Variants in MFSD6L observed in about 807,000 individuals in gnomAD.
MFSD6L encodes the protein major facilitator superfamily domain containing 6 like.
In MFSD6L, 9 loss-of-function variants were observed where a neutral mutation model predicts 6.4. The observed-to-expected ratio is 1.42, with a 90% CI of 0.85 to 2.47. The LOEUF (loss-of-function observed/expected upper bound fraction) is 2.47, where lower values mean the gene tolerates loss of function less well. MFSD6L is among the 30% of genes most tolerant of loss of function. MFSD6L has a pLI of 0.00. For synonymous variants in MFSD6L, 336 were observed against 322.4 expected (o/e 1.04, Z -0.45); for missense variants, 747 against 730.6 (o/e 1.02, Z -0.26).
rs200903877 is a variant in MFSD6L, at chr17:8,798,864, C to T, written c.257G>A (p.Gly86Asp). 1.1e-4 allele frequency: 172 copies of T among 1,613,912 alleles called. No individual in the cohort carries two copies. The highest frequency in any genetic ancestry group is 1.4e-4 in the Non-Finnish European group (166 of 1,180,020). ...RRALLIGSLL[G>D]SVGASLLMVL... ...CATCAGCAGGCTGGCCCCCACCGAG[C>T]CGAGCAGGGAGCCGATCAGAAGCGC... Residue 86 changes from glycine (G) to aspartate (D), a missense_variant, in exon 1 of 1, where the codon GGC (glycine) becomes GAC (aspartate). Gly to Asp is a moderately conservative substitution (Grantham distance 94). Coordinates refer to ENST00000329805, the MANE Select transcript of MFSD6L (RefSeq NM_152599.4).
Position 8,798,066 on chromosome 17 carries a change from C to T in MFSD6L, c.1055G>A (p.Ser352Asn). The change falls in exon 1 of 1, where the codon AGC (serine) becomes AAC (asparagine). Residue 352 changes from serine (S) to asparagine (N), a missense_variant. Physicochemically the swap from Ser to Asn is conservative, Grantham distance 46. Coordinates refer to ENST00000329805, the MANE Select transcript of MFSD6L (RefSeq NM_152599.4). Reference protein sequence around the residue: ...PIPICQQWEPSYKRVKALSIV... With the variant: ...PIPICQQWEPNYKRVKALSIV... ...GGACAGTGCTTTGACCCTTTTGTAG[C>T]TGGGCTCCCACTGCTGACAGATGGG... 6.2e-7 allele frequency: 1 copy of T among 1,614,136 alleles called. No homozygotes were observed. The highest frequency in any genetic ancestry group is 8.5e-7 in the Non-Finnish European group (1 of 1,180,012).
rs979728861 is a variant in MFSD6L at position 8,797,327 on chromosome 17, C to G, written c.*33G>C. 2 of 1,525,876 alleles carry G rather than the reference C, an allele frequency of 1.3e-6. No individual in the cohort carries two copies. Among genetic ancestry groups the G allele is most frequent in the African/African-American group, 2.8e-5 (2 of 72,010 alleles). 94.5% of individuals were successfully genotyped at this position (1,525,876 alleles called of 1,614,324 possible). A position where few individuals can be genotyped will look rare whatever the true frequency, so the allele number is the denominator to read the frequency against. ...TTTTGTTCAGTCCATTCGTTCCTTG[C>G]TGGATCAGCACACTCTGGATTTCTC... On this transcript the variant is annotated 3_prime_UTR_variant, in exon 1 of 1. Transcript: ENST00000329805.
rs369757220 is a variant in MFSD6L, at chr17:8,797,900, G to C, written c.1221C>G (p.Val407=). The part of the protein sequence containing the change: ...GSGELVMGFS[V]ALSLLGEILL... ...GAATTTCCCCCAGCAAGCTGAGGGC[G>C]ACCGAGAAACCCATGACCAGCTCGC... Residue 407 remains valine, a synonymous_variant, in exon 1 of 1, where the codon GTC becomes GTG. Coordinates refer to ENST00000329805, the MANE Select transcript of MFSD6L (RefSeq NM_152599.4). 5.0e-6 allele frequency: 8 copies of C among 1,613,968 alleles called. No homozygotes were observed. The South Asian group carries it at 8.8e-5, about 18-fold the overall frequency.
chr17:8,797,306 G>T lies in MFSD6L; in HGVS notation c.*54C>A, dbSNP rs2087006612. 3.3e-6 allele frequency: 5 copies of T among 1,503,182 alleles called. No homozygotes were observed. The highest frequency in any genetic ancestry group is 3.6e-6 in the Non-Finnish European group (4 of 1,122,466). 93.1% of individuals were successfully genotyped at this position (1,503,182 alleles called of 1,614,324 possible). On this transcript the variant is annotated 3_prime_UTR_variant, in exon 1 of 1. Transcript: ENST00000329805. ...TTCTGTCCTCAGCAGGCTGAGTTTT[G>T]TTCAGTCCATTCGTTCCTTGCTGGA...
In MFSD6L at chr17:8,797,620, C is replaced by G; in HGVS notation, c.1501G>C (p.Gly501Arg). 6.2e-7 allele frequency: 1 copy of G among 1,613,414 alleles called. No homozygotes were observed. Among genetic ancestry groups the G allele is most frequent in the Non-Finnish European group, 8.5e-7 (1 of 1,180,020 alleles). ...AAGCTGCCCAGGCTACAGCCACTCC[C>G]GTAAAAGTGGCCTCGGAACAAGGCA... Reference protein sequence around the residue: ...LSALFRGHFYGSGCSLGSFVG... With the variant: ...LSALFRGHFYRSGCSLGSFVG... The change falls in exon 1 of 1, where the codon GGG (glycine) becomes CGG (arginine). Residue 501 changes from glycine to arginine, a missense_variant. Physicochemically the swap from Gly to Arg is moderately radical, Grantham distance 125. Transcript: ENST00000329805.
Position 8,799,201 on chromosome 17 carries a change from G to A in MFSD6L, c.-81C>T, listed in dbSNP as rs1597366143. On this transcript the variant is annotated 5_prime_UTR_variant, in exon 1 of 1. Transcript: ENST00000329805. This position sits in a 1 kb window ranked among gnomAD's most constrained non-coding sequence, Gnocchi z 5.3. ...GGGCGCGGCCCCAGGTACCCGGGAGGGAGGCTTGGGGGACCGGGGCTCGGA... is the reference window on the plus strand; with the variant it reads ...GGGCGCGGCCCCAGGTACCCGGGAGAGAGGCTTGGGGGACCGGGGCTCGGA... 4 of 1,297,580 alleles carry A rather than the reference G, an allele frequency of 3.1e-6. No homozygotes were observed. The highest frequency in any genetic ancestry group is 4.1e-6 in the Non-Finnish European group (4 of 971,630). The allele number at this position is 1,297,580 out of a possible 1,614,324, so 80.4% of individuals were successfully genotyped here.
rs1173356523 is a variant in MFSD6L at position 8,798,650 on chromosome 17, A to C, written c.471T>G (p.Pro157=). 2.5e-6 allele frequency: 4 copies of C among 1,614,162 alleles called. No individual in the cohort carries two copies. The highest frequency in any genetic ancestry group is 4.5e-5 in the East Asian group (2 of 44,860). ...GGAAAGTTTCTCGGTCACTTTCACC[A>C]GGTGGGTTTCTGAAGCCAGGCATTT... ...EVEMPGFRNP[P]GESDRETFRD... The change falls in exon 1 of 1, where the codon CCT becomes CCG. Residue 157 remains proline, a synonymous_variant. Transcript: ENST00000329805.
In MFSD6L at chr17:8,798,653, TG is replaced by T. The variant is rs1466094007; in HGVS notation, c.467del (p.Pro156HisfsTer17). ...AAGTTTCTCGGTCACTTTCACCAGG[TG>T]GGTTTCTGAAGCCAGGCATTTCCAC... is the stretch of plus-strand genomic sequence containing the variant. ...AEVEMPGFRN[P>X]PGESDRETFR... On this transcript the variant is annotated frameshift_variant, in exon 1 of 1. Transcript: ENST00000329805. LOFTEE classifies it low-confidence loss of function (END_TRUNC). 1 of 1,613,990 alleles carries T rather than the reference TG, an allele frequency of 6.2e-7. No homozygotes were observed. Among genetic ancestry groups the T allele is most frequent in the South Asian group, 1.1e-5 (1 of 91,066 alleles).
chr17:8,797,871 A>G lies in MFSD6L; in HGVS notation c.1250T>C (p.Leu417Pro), dbSNP rs2087012894. 3 of 1,613,892 alleles carry G rather than the reference A, an allele frequency of 1.9e-6. No individual in the cohort carries two copies. Among genetic ancestry groups the G allele is most frequent in the Non-Finnish European group, 2.5e-6 (3 of 1,180,014 alleles). The change falls in exon 1 of 1, where the codon CTT becomes CCT. Residue 417 changes from leucine (L) to proline (P), a missense_variant. Coordinates refer to ENST00000329805, the MANE Select transcript of MFSD6L (RefSeq NM_152599.4). Reference sequence around the variant, plus strand: ...AAGCAATGTAGCTTTGAACGGATGAAGCAGAATTTCCCCCAGCAAGCTGAG... The same window carrying G: ...AAGCAATGTAGCTTTGAACGGATGAGGCAGAATTTCCCCCAGCAAGCTGAG... ...VALSLLGEIL[L>P]HPFKATLLRK...
chr17:8,798,561 A>G lies in MFSD6L; in HGVS notation c.560T>C (p.Leu187Pro). 1 of 1,614,046 alleles carries G rather than the reference A, an allele frequency of 6.2e-7. No individual in the cohort carries two copies. The highest frequency in any genetic ancestry group is 8.5e-7 in the Non-Finnish European group (1 of 1,179,942). The change falls in exon 1 of 1, where the codon CTC becomes CCC. Residue 187 changes from leucine (L) to proline (P), a missense_variant. By Grantham distance (98) the Leu-to-Pro change is moderately conservative. Transcript: ENST00000329805. The part of the protein sequence containing the change: ...EGARTTSQAL[L>P]HPVTSGLKDH... ...TTTCAGCCCCGAAGTGACAGGATGG[A>G]GGAGAGCTTGGGATGTGGTCCTAGC...
rs1312618555 is a variant in MFSD6L at position 8,797,381 on chromosome 17, C to T, written c.1740G>A (p.Met580Ile). ...CCTTTCAGTCTGAGTGTTCCTCCCT[C>T]ATGGCCTTCACAAGCCAGTCCTGTT... ...GTEQDWLVKAMREEHSD is the reference protein window; with the variant it reads ...GTEQDWLVKAIREEHSD The change falls in exon 1 of 1, where the codon ATG (methionine) becomes ATA (isoleucine). Residue 580 changes from methionine to isoleucine, a missense_variant. Physicochemically the swap from Met to Ile is conservative, Grantham distance 10. Coordinates refer to ENST00000329805, the MANE Select transcript of MFSD6L (RefSeq NM_152599.4). The T allele has an allele frequency of 6.3e-7, 1 of 1,574,920 alleles. No individual in the cohort carries two copies. Among genetic ancestry groups the T allele is most frequent in the South Asian group, 1.2e-5 (1 of 84,296 alleles).
In MFSD6L at chr17:8,799,043, C is replaced by T. The variant is rs1261107510; in HGVS notation, c.78G>A (p.Arg26=). The T allele has an allele frequency of 7.4e-6, 12 of 1,611,278 alleles. No individual in the cohort carries two copies. In the East Asian group the frequency reaches 2.2e-4, roughly 30 times the overall value. The change falls in exon 1 of 1, where the codon CGG becomes CGA. Residue 26 remains arginine (R), a synonymous_variant. Transcript: ENST00000329805. The surrounding 1 kb of genome is among the most constrained non-coding windows in gnomAD (Gnocchi z 5.3). The stretch of plus-strand genomic sequence containing the variant: ...TCAGGAACGGGGTCACGCAGGCTTC[C>T]CGCACCCCGCACACCAGGTGGAAGA... ...AKLFHLVCGV[R]EACVTPFLTL... is the part of the protein sequence containing the mutation.
chr17:8,798,303 T>C lies in MFSD6L; in HGVS notation c.818A>G (p.Glu273Gly). 1 of 1,607,890 alleles carries C rather than the reference T, an allele frequency of 6.2e-7. No homozygotes were observed. The highest frequency in any genetic ancestry group is 8.5e-7 in the Non-Finnish European group (1 of 1,179,966). Residue 273 changes from glutamate (E) to glycine (G), a missense_variant, in exon 1 of 1, where the codon GAG becomes GGG. Coordinates refer to ENST00000329805, the MANE Select transcript of MFSD6L (RefSeq NM_152599.4). ...LEQVADDSLY[E>G]FLDFVDATDR... ...AGTGGCATCCACAAAATCCAGGAAC[T>C]CATAAAGGCTGTCATCTGCCACCTG...
chr17:8,798,822 A>G lies in MFSD6L; in HGVS notation c.299T>C (p.Val100Ala), dbSNP rs754684704. 15 of 1,613,798 alleles carry G rather than the reference A, an allele frequency of 9.3e-6. No individual in the cohort carries two copies. The South Asian group carries it at 1.5e-4, about 17-fold the overall frequency. The part of the protein sequence containing the change: ...ASLLMVLVPP[V>A]DKNRVHFPCN... ...AGGGAAGTGCACCCGATTTTTGTCT[A>G]CCGGTGGGACCAGGACCATCAGCAG... is the stretch of plus-strand genomic sequence containing the variant. The change falls in exon 1 of 1, where the codon GTA becomes GCA. Residue 100 changes from valine (V) to alanine (A), a missense_variant. Coordinates refer to ENST00000329805, the MANE Select transcript of MFSD6L (RefSeq NM_152599.4).
Position 8,798,548 on chromosome 17 carries a change from A to G in MFSD6L, c.573T>C (p.Thr191=). 6.2e-7 allele frequency: 1 copy of G among 1,613,938 alleles called. No homozygotes were observed. The highest frequency in any genetic ancestry group is 2.2e-5 in the East Asian group (1 of 44,872). The change falls in exon 1 of 1, where the codon ACT becomes ACC. Residue 191 remains threonine (T), a synonymous_variant. Coordinates refer to ENST00000329805, the MANE Select transcript of MFSD6L (RefSeq NM_152599.4). ...TTSQALLHPV[T]SGLKDHPWEV... ...CCCAGGGATGATCTTTCAGCCCCGA[A>G]GTGACAGGATGGAGGAGAGCTTGGG... is the stretch of plus-strand genomic sequence containing the variant.
chr17:8,798,204 A>G lies in MFSD6L; in HGVS notation c.917T>C (p.Val306Ala), dbSNP rs1222443922. The G allele has an allele frequency of 1.9e-6, 3 of 1,612,002 alleles. No individual in the cohort carries two copies. In the African/African-American group the frequency reaches 4.0e-5, roughly 22 times the overall value. Residue 306 changes from valine to alanine, a missense_variant, in exon 1 of 1, where the codon GTG becomes GCG. Physicochemically the swap from Val to Ala is moderately conservative, Grantham distance 64. Coordinates refer to ENST00000329805, the MANE Select transcript of MFSD6L (RefSeq NM_152599.4). The part of the protein sequence containing the change: ...SAGVCGITAL[V>A]GQLDCFLMTS... ...CATCAGGAAGCAGTCCAGCTGCCCC[A>G]CCAAGGCTGTGATGCCACACACGCC...
rs142181822 is a variant in MFSD6L at position 8,798,755 on chromosome 17, C to T, written c.366G>A (p.Pro122=). 159 of 1,613,904 alleles carry T rather than the reference C, an allele frequency of 9.9e-5. No individual in the cohort carries two copies. The highest frequency in any genetic ancestry group is 1.3e-4 in the Non-Finnish European group (151 of 1,180,040). ...TGATGTTCACAGGTAGCGTGACCCC[C>T]GGGAGTGCGTCTGTGCTGGTCAGGC... ...SSGLTSTDAL[P]GVTLPVNITS... The change falls in exon 1 of 1, where the codon CCG becomes CCA. Residue 122 remains proline, a synonymous_variant. Transcript: ENST00000329805.
rs373817865 is a variant in MFSD6L at position 8,797,800 on chromosome 17, G to A, written c.1321C>T (p.Leu441Phe). ...GAGTAGTACAGCAGCTGCCCAGCGAGGCAGCTCAGCCCCAGCCCCACCAGG... is the reference window on the plus strand; with the variant it reads ...GAGTAGTACAGCAGCTGCCCAGCGAAGCAGCTCAGCCCCAGCCCCACCAGG... ...TGLVGLGLSC[L>F]AGQLLYYSFL... The change falls in exon 1 of 1, where the codon CTC (leucine) becomes TTC (phenylalanine). Residue 441 changes from leucine to phenylalanine, a missense_variant. Physicochemically the swap from Leu to Phe is conservative, Grantham distance 22. Transcript: ENST00000329805. 163 of 1,613,924 alleles carry A rather than the reference G, an allele frequency of 1.0e-4. No individual in the cohort carries two copies. Among genetic ancestry groups the A allele is most frequent in the Non-Finnish European group, 1.3e-4 (154 of 1,180,040 alleles).
In MFSD6L at chr17:8,798,622, C is replaced by G. The variant is rs1483614564; in HGVS notation, c.499G>C (p.Asp167His). ...PGESDRETFR[D>H]LHVYLAPSVE... ...GAGGGCGCTAAGTAGACGTGCAGAT[C>G]ACGGAAAGTTTCTCGGTCACTTTCA... Residue 167 changes from aspartate to histidine, a missense_variant, in exon 1 of 1, where the codon GAT becomes CAT. By Grantham distance (81) the Asp-to-His change is moderately conservative. Coordinates refer to ENST00000329805, the MANE Select transcript of MFSD6L (RefSeq NM_152599.4). The G allele has an allele frequency of 6.2e-7, 1 of 1,614,154 alleles. No homozygotes were observed.
Sources: gnomAD v4.1 joint callset for allele counts on GRCh38, gnomAD v4.1.1 for gene constraint, Gnocchi (gnomAD v3.1) non-coding constraint, MANE v1.5 for transcripts, NCBI Gene and HGNC (gene_info 2026-07-23, HGNC 2026-07-21) for gene names.